The following PTDSS1 variants were observed in gnomAD, a reference collection of about 807,000 sequenced individuals.
PTDSS1 encodes the protein phosphatidylserine synthase 1, also known as PSS-1.
Under a neutral mutation model 70.5 loss-of-function variants are expected in PTDSS1, and 45 were observed. The ratio of observed to expected loss-of-function variants is 0.64; its 90% CI spans 0.50 to 0.82. The LOEUF (loss-of-function observed/expected upper bound fraction) is 0.82. Among genes scored for constraint, PTDSS1 ranks in the 40% least tolerant of loss-of-function variants. The pLI is 0.00. For missense variants in PTDSS1, 417 were observed against 586.1 expected, an observed-to-expected ratio of 0.71 and a Z score of 2.98; for synonymous variants, 188 against 203.8, an observed-to-expected ratio of 0.92 and a Z score of 0.66.
In PTDSS1 at chr8:96,299,040, A is replaced by AG. The variant is rs779269870; in HGVS notation, c.601-653dup. ...GGGCAACAGAGCAAGACTCTGTCTC[A>AG]GAAAAAAAAAAAAAAAATACAACAT... On this transcript the variant is annotated intron_variant, in intron 5 of 12. Transcript: ENST00000517309. Among the ~76,000 whole-genome samples the AG allele has an allele frequency of 1.2e-4, 18 of 150,174 alleles. No individual in the cohort carries two copies. In the East Asian group the frequency reaches 3.1e-3, roughly 26 times the overall value.
chr8:96,269,376 G>A (rs996303586), intron 1 of PTDSS1, among the ~76,000 whole-genome samples: 4 of 152,206 alleles, frequency 2.6e-5, no homozygotes, highest in African/African-American at 9.7e-5. Context: ...AAAGTTCTTT[G>A]GAGTGTTCAG....
At position 96,308,101 on chromosome 8, in the gene PTDSS1, C is replaced by G. The variant is rs957432604; in HGVS notation, c.1008-1456C>G. On this transcript the variant is annotated intron_variant, in intron 8 of 12. Transcript: ENST00000517309. Reference sequence around the variant, plus strand: ...ACCCCATTTAGCAAATGTTAGGTCCCGAGAGGAGAGAGAGTTTAGAGGCTT... The same window carrying G: ...ACCCCATTTAGCAAATGTTAGGTCCGGAGAGGAGAGAGAGTTTAGAGGCTT... 2.0e-5 allele frequency among the ~76,000 whole-genome samples: 3 copies of G among 152,240 alleles called. No homozygotes were observed. In the East Asian group the frequency reaches 5.8e-4, roughly 29 times the overall value.
chr8:96,301,023 A>G (rs935853846), intron 6 of PTDSS1, among the ~76,000 whole-genome samples: 5 of 152,168 alleles, frequency 3.3e-5, no homozygotes, highest in African/African-American at 9.7e-5. Flanking sequence ...CTGGATTTCT[A>G]TCAATTTCTA....
intron 4 of PTDSS1, among the ~76,000 whole-genome samples, chr8:96,289,016 C>A (rs920845489): frequency 6.6e-6 from 1 of 152,046 alleles, no homozygotes; most frequent in African/African-American, 2.4e-5. Flanking sequence ...CTCACTGTAA[C>A]CTCCACCTCC....
intron 2 of PTDSS1, among the ~76,000 whole-genome samples, chr8:96,276,572 C>A (rs969431867): frequency 6.6e-6 from 1 of 152,166 alleles, no homozygotes; most frequent in Admixed American, 6.5e-5. Flanking sequence ...GCCACCATGT[C>A]CCCCAGCCTT....
At chr8:96,323,742 A>G (rs555593573) in intron 10 of PTDSS1, among the ~76,000 whole-genome samples, 66 of 152,100 alleles carry the variant, frequency 4.3e-4, no homozygotes, top group Non-Finnish European at 7.1e-4. Context: ...TCTTCCTCAC[A>G]TTTTCTTGAT....
intron 10 of PTDSS1, among the ~76,000 whole-genome samples, chr8:96,329,985 T>C (rs911440326): frequency 6.6e-6 from 1 of 152,226 alleles, no homozygotes; most frequent in Non-Finnish European, 1.5e-5. Flanking sequence ...TGCTTTCTGA[T>C]AGTAGAGTCA....
At chr8:96,268,634 C>CTT (rs78192816) in intron 1 of PTDSS1, among the ~76,000 whole-genome samples, 15 of 137,158 alleles carry the variant, frequency 1.1e-4, no homozygotes, top group African/African-American at 3.5e-4. Context: ...GGAGTGCAAA[C>CTT]TTTTTTTTTT....
At chr8:96,276,978 G>GCACACACACACACACACA (rs1157385221) in intron 2 of PTDSS1, among the ~76,000 whole-genome samples, 1 of 129,742 alleles carries the variant, frequency 7.7e-6, no homozygotes, top group African/African-American at 2.7e-5. Context: ...GCGCACGCGC[G>GCACACACACACACACACA]CGCACACACA....
intron 9 of PTDSS1, among the ~76,000 whole-genome samples, chr8:96,311,854 A>G (rs150031410): frequency 6.6e-6 from 1 of 152,194 alleles, no homozygotes; most frequent in East Asian, 1.9e-4. Flanking sequence ...GGCCCTGTGT[A>G]CTGGAAGAAG....
At chr8:96,273,906 G>A (rs1024254229) in intron 2 of PTDSS1, among the ~76,000 whole-genome samples, 2 of 152,154 alleles carry the variant, frequency 1.3e-5, no homozygotes, top group African/African-American at 4.8e-5. Context: ...AGGAAAAAAA[G>A]ACAATGATTT....
At chr8:96,288,953 A>G (rs544688690) in intron 4 of PTDSS1, among the ~76,000 whole-genome samples, 1 of 143,982 alleles carries the variant, frequency 6.9e-6, no homozygotes, top group Non-Finnish European at 1.5e-5. Flanking sequence ...TTTTCTTTCC[A>G]AGACGGAGTC....
intron 9 of PTDSS1, among the ~76,000 whole-genome samples, chr8:96,319,156 C>T (rs546592513): frequency 3.0e-4 from 46 of 151,928 alleles, no homozygotes; most frequent in African/African-American, 9.9e-4. Context: ...TCAAGTGATC[C>T]GCTCGCCTCA....
At position 96,284,156 on chromosome 8, in the gene PTDSS1, G is replaced by A; in HGVS notation, c.316+3G>A. ...AGCCTTATGGCGAATGGTTTTTGGTGAGTTTATATTAGCAATGTAAAAGGA... is the reference window on the plus strand; with the variant it reads ...AGCCTTATGGCGAATGGTTTTTGGTAAGTTTATATTAGCAATGTAAAAGGA... On this transcript the variant is annotated splice_donor_region_variant and intron_variant, in intron 3 of 12. Transcript: ENST00000517309. 6.2e-7 allele frequency: 1 copy of A among 1,602,946 alleles called. No individual in the cohort carries two copies. Among genetic ancestry groups the A allele is most frequent in the Non-Finnish European group, 8.5e-7 (1 of 1,170,716 alleles).
At chr8:96,286,294 T>A (rs1488316973) in intron 3 of PTDSS1, among the ~76,000 whole-genome samples, 1 of 152,228 alleles carries the variant, frequency 6.6e-6, no homozygotes, top group Admixed American at 6.5e-5. Context: ...CTAAAACGTA[T>A]TGGACAGGGT....
At chr8:96,323,808 C>T (rs1811403726) in intron 10 of PTDSS1, among the ~76,000 whole-genome samples, 1 of 152,220 alleles carries the variant, frequency 6.6e-6, no homozygotes. Context: ...CCACGTGGCC[C>T]CACCCTTAGT....
chr8:96,329,357 C>A lies in PTDSS1; in HGVS notation c.1174-856C>A, dbSNP rs182950406. ...TGGGGAAGGTGTGGCCGGGGAGATT[C>A]ATGGCCCTGCTCTACCGCTCACCCT... On this transcript the variant is annotated intron_variant, in intron 10 of 12. Coordinates refer to ENST00000517309, the MANE Select transcript of PTDSS1 (RefSeq NM_014754.3). 2.4e-3 allele frequency among the ~76,000 whole-genome samples: 361 copies of A among 152,298 alleles called. 2 individuals carry two copies. Among genetic ancestry groups the A allele is most frequent in the Non-Finnish European group, 4.2e-3 (285 of 68,030 alleles).
chr8:96,297,368 G>A (rs916711302), intron 5 of PTDSS1, among the ~76,000 whole-genome samples: 1 of 152,024 alleles, frequency 6.6e-6, no homozygotes, highest in African/African-American at 2.4e-5. Flanking sequence ...AGTAGAGATG[G>A]GGTTTCGCCA....
intron 1 of PTDSS1, among the ~76,000 whole-genome samples, chr8:96,264,034 C>CT (rs1810452919): frequency 6.6e-6 from 1 of 152,198 alleles, no homozygotes; most frequent in Non-Finnish European, 1.5e-5. Flanking sequence ...GCCACTATTA[C>CT]TATAAAATCT....
Sources: gnomAD v4.1 joint callset for allele counts (sites outside exome capture counted in the v4.1 genomes callset) on GRCh38, gnomAD v4.1.1 for gene constraint, MANE v1.5 for transcripts, NCBI Gene and HGNC (gene_info 2026-07-23, HGNC 2026-07-21) for gene names.